GALNT13: variants seen among roughly 807,000 people sequenced by gnomAD.
GALNT13 encodes the protein polypeptide N-acetylgalactosaminyltransferase 13.
A neutral mutation model predicts 64.2 loss-of-function variants in GALNT13; 28 were observed. The observed-to-expected ratio is 0.44, with a 90% confidence interval of 0.32 to 0.60. The LOEUF is 0.60. Among genes scored for constraint, GALNT13 ranks in the 20% least tolerant of loss-of-function variants. The pLI, the probability that GALNT13 is intolerant of heterozygous loss-of-function variation, is 0.05. For synonymous variants in GALNT13, 214 were observed against 224.6 expected, an observed-to-expected ratio of 0.95 and a Z score of 0.42; for missense variants, 577 against 669.8, an observed-to-expected ratio of 0.86 and a Z score of 1.53.
the GALNT13 span, among the ~76,000 whole-genome samples, chr2:153,176,066 G>C: frequency 6.6e-6 from 1 of 152,124 alleles, no homozygotes; most frequent in Non-Finnish European, 1.5e-5. Context: ...AAGCTAAAGA[G>C]TAAGCCAATA....
the GALNT13 span, among the ~76,000 whole-genome samples, chr2:153,742,365 A>T: frequency 6.6e-6 from 1 of 152,062 alleles, no homozygotes; most frequent in African/African-American, 2.4e-5. Context: ...GTATATATAT[A>T]CCACATTTTC....
At chr2:153,656,142 G>C in the GALNT13 span, among the ~76,000 whole-genome samples, 1 of 152,078 alleles carries the variant, frequency 6.6e-6, no homozygotes, top group Non-Finnish European at 1.5e-5. Flanking sequence ...CAATAGGCTT[G>C]CTAATTCTGC....
At chr2:153,727,067 A>T in the GALNT13 span, among the ~76,000 whole-genome samples, 1 of 152,134 alleles carries the variant, frequency 6.6e-6, no homozygotes, top group East Asian at 1.9e-4. Context: ...TCATAACTTC[A>T]CACAGTAATA....
intron 3 of GALNT13, among the ~76,000 whole-genome samples, chr2:153,996,498 A>G (rs1234597651): frequency 2.0e-5 from 3 of 151,948 alleles, no homozygotes; most frequent in Non-Finnish European, 2.9e-5. Flanking sequence ...ATGTCTATTC[A>G]TGCCCTTTGC....
At chr2:153,862,171 T>TA in the GALNT13 span, among the ~76,000 whole-genome samples, 2 of 152,152 alleles carry the variant, frequency 1.3e-5, no homozygotes, top group African/African-American at 4.8e-5. Flanking sequence ...ATTTGCTTCT[T>TA]AAAAATAAAT....
chr2:154,180,550 G>A (rs1053926687), intron 4 of GALNT13, among the ~76,000 whole-genome samples: 2 of 151,916 alleles, frequency 1.3e-5, no homozygotes, highest in South Asian at 4.1e-4. Context: ...GATTATAAAT[G>A]TAATTAATGC....
the GALNT13 span, among the ~76,000 whole-genome samples, chr2:153,547,174 C>T: frequency 1.3e-5 from 2 of 152,202 alleles, no homozygotes; most frequent in Non-Finnish European, 2.9e-5. Context: ...CACCATTGTA[C>T]TGCATATTTT....
the GALNT13 span, among the ~76,000 whole-genome samples, chr2:153,479,152 G>GC: frequency 3.4e-4 from 52 of 152,280 alleles, 1 homozygote; most frequent in East Asian, 8.3e-3. Context: ...TTTGCCTGCT[G>GC]CCCCCCTGAC....
intron 9 of GALNT13, among the ~76,000 whole-genome samples, chr2:154,378,907 TTTGGCTTGGA>T (rs1462198792): frequency 3.9e-5 from 6 of 152,118 alleles, no homozygotes; most frequent in African/African-American, 1.4e-4. Flanking sequence ...ATGCCTCTAC[TTTGGCTTGGA>T]TTGTCAAGAC....
At chr2:153,977,129 A>C (rs1302283213) in intron 3 of GALNT13, among the ~76,000 whole-genome samples, 1 of 152,188 alleles carries the variant, frequency 6.6e-6, no homozygotes, top group Non-Finnish European at 1.5e-5. Flanking sequence ...TGTCATTCAA[A>C]ATCCTTTATA....
the GALNT13 span, among the ~76,000 whole-genome samples, chr2:153,845,842 T>C: frequency 3.9e-5 from 6 of 151,900 alleles, no homozygotes; most frequent in East Asian, 1.9e-4. Context: ...ACACAAGTTG[T>C]AGAAGTAAAC....
At chr2:153,535,012 G>A in the GALNT13 span, among the ~76,000 whole-genome samples, 8 of 151,970 alleles carry the variant, frequency 5.3e-5, no homozygotes, top group Non-Finnish European at 1.0e-4. Flanking sequence ...GTGTTGGGGC[G>A]GCGAAAATTT....
the GALNT13 span, among the ~76,000 whole-genome samples, chr2:153,606,469 C>T: frequency 6.6e-6 from 1 of 152,172 alleles, no homozygotes; most frequent in South Asian, 2.1e-4. Context: ...CGTAAACTTT[C>T]TTAAAAAATT....
At chr2:153,189,646 T>C in the GALNT13 span, among the ~76,000 whole-genome samples, 1 of 152,144 alleles carries the variant, frequency 6.6e-6, no homozygotes. Flanking sequence ...GTATGGTGGT[T>C]CTATTTTTAG....
the GALNT13 span, among the ~76,000 whole-genome samples, chr2:153,548,790 A>G: frequency 8.5e-5 from 13 of 152,190 alleles, no homozygotes; most frequent in Admixed American, 8.5e-4. Flanking sequence ...ACCCATGACA[A>G]CTGAAAACAT....
the GALNT13 span, among the ~76,000 whole-genome samples, chr2:153,568,256 C>A: frequency 2.6e-5 from 4 of 152,118 alleles, no homozygotes; most frequent in Admixed American, 2.0e-4. Flanking sequence ...GGGTCTCTGG[C>A]ACCCAGGCTG....
chr2:154,029,524 T>C (rs1037077131), intron 3 of GALNT13, among the ~76,000 whole-genome samples: 1 of 152,098 alleles, frequency 6.6e-6, no homozygotes, highest in African/African-American at 2.4e-5. Context: ...ATCCCAAACC[T>C]AGCTTAACTC....
chr2:153,234,545 G>A, the GALNT13 span, among the ~76,000 whole-genome samples: 235 of 152,156 alleles, frequency 1.5e-3, no homozygotes, highest in African/African-American at 5.5e-3. Flanking sequence ...TTATTAGCAG[G>A]CTCTTCAGTG....
the GALNT13 span, among the ~76,000 whole-genome samples, chr2:153,489,173 A>C: frequency 6.6e-6 from 1 of 152,168 alleles, no homozygotes; most frequent in Non-Finnish European, 1.5e-5. Flanking sequence ...CTATTAAATA[A>C]AACGTACACT....
Sources: allele counts gnomAD v4.1 joint callset (sites outside exome capture counted in the v4.1 genomes callset), GRCh38; gene constraint gnomAD v4.1.1; transcripts MANE v1.5; gene names NCBI Gene and HGNC (gene_info 2026-07-23, HGNC 2026-07-21).